PHLPP1: variants seen among roughly 807,000 people sequenced by gnomAD.
PHLPP1 encodes PH domain and leucine rich repeat protein phosphatase 1, also known as PH domain leucine-rich repeat-containing protein phosphatase 1.
Under a neutral mutation model 117.2 loss-of-function variants are expected in PHLPP1, and 42 were observed. The ratio of observed to expected loss-of-function variants is 0.36; its 90% CI spans 0.28 to 0.46. The LOEUF (loss-of-function observed/expected upper bound fraction) is 0.46, where lower values mean the gene tolerates loss of function less well. PHLPP1 is among the 20% of genes least tolerant of loss of function. PHLPP1 has a pLI of 1.00. For synonymous variants in PHLPP1, 1,042 were observed against 970.7 expected, an observed-to-expected ratio of 1.07 and a Z score of -1.37; for missense variants, 2,084 against 2,241.9, an observed-to-expected ratio of 0.93 and a Z score of 1.42.
At chr18:62,765,861 G>A (rs1253385064) in intron 1 of PHLPP1, among the ~76,000 whole-genome samples, 2 of 150,682 alleles carry the variant, frequency 1.3e-5, no homozygotes, top group Non-Finnish European at 3.0e-5. Context: ...AGCTGGGTGT[G>A]GTGGCAGGTG....
chr18:62,745,013 AGGAG>A (rs1911635754), intron 1 of PHLPP1, among the ~76,000 whole-genome samples: 1 of 152,252 alleles, frequency 6.6e-6, no homozygotes, highest in Non-Finnish European at 1.5e-5. Flanking sequence ...AAGATAGTTT[AGGAG>A]GTATAGCTGG....
intron 9 of PHLPP1, among the ~76,000 whole-genome samples, chr18:62,918,016 C>T (rs1395715079): frequency 6.6e-6 from 1 of 151,718 alleles, no homozygotes; most frequent in African/African-American, 2.4e-5. Flanking sequence ...ACCAGCCTGA[C>T]CAACATGGTG....
At chr18:62,863,402 C>A (rs1322825482) in intron 4 of PHLPP1, among the ~76,000 whole-genome samples, 1 of 152,104 alleles carries the variant, frequency 6.6e-6, no homozygotes, top group Non-Finnish European at 1.5e-5. Flanking sequence ...TGGGGTTTCA[C>A]CATGTTGCCA....
At chr18:62,951,595 TG>T (rs1910459260) in intron 12 of PHLPP1, among the ~76,000 whole-genome samples, 1 of 152,158 alleles carries the variant, frequency 6.6e-6, no homozygotes, top group Non-Finnish European at 1.5e-5. Flanking sequence ...GGGAGATGCC[TG>T]GAATCACTTG....
At chr18:62,722,312 GTTA>G (rs987145288) in intron 1 of PHLPP1, among the ~76,000 whole-genome samples, 7 of 152,162 alleles carry the variant, frequency 4.6e-5, no homozygotes, top group African/African-American at 1.7e-4. Context: ...TAATGATTTT[GTTA>G]TGTGCCAGGG....
intron 3 of PHLPP1, among the ~76,000 whole-genome samples, chr18:62,850,172 A>G (rs1465456822): frequency 1.3e-5 from 2 of 151,118 alleles, no homozygotes; most frequent in South Asian, 2.1e-4. Context: ...GGTGGATCAC[A>G]AGGTCAGGAG....
intron 1 of PHLPP1, among the ~76,000 whole-genome samples, chr18:62,768,801 T>G (rs1416985371): frequency 6.6e-6 from 1 of 152,138 alleles, no homozygotes; most frequent in South Asian, 2.1e-4. Context: ...AAAAAAAGAC[T>G]AGAGAGAGCA....
intron 4 of PHLPP1, among the ~76,000 whole-genome samples, chr18:62,883,375 T>C (rs572955473): frequency 6.6e-6 from 1 of 152,278 alleles, no homozygotes; most frequent in East Asian, 1.9e-4. Context: ...GGCAGGTGAA[T>C]AGTCCATTAG....
chr18:62,858,514 T>G lies in PHLPP1; in HGVS notation c.1900-1921T>G, dbSNP rs566853756. ...CTGACCTCAAATGATCCACCTGCCT[T>G]GGCCTCCCAAAGTGCTGGGATTACA... On this transcript the variant is annotated intron_variant, in intron 3 of 16. Transcript: ENST00000262719. 7.9e-4 allele frequency among the ~76,000 whole-genome samples: 121 copies of G among 152,294 alleles called. 1 individual carries two copies. The highest frequency in any genetic ancestry group is 2.7e-3 in the African/African-American group (112 of 41,566).
In PHLPP1 at chr18:62,895,174, C is replaced by G; in HGVS notation, c.2213+17C>G. The G allele has an allele frequency of 1.2e-6, 2 of 1,609,272 alleles. No individual in the cohort carries two copies. The highest frequency in any genetic ancestry group is 1.1e-5 in the South Asian group (1 of 90,814). The stretch of plus-strand genomic sequence containing the variant: ...GATGCACAAGTGTGTACTTCAAACC[C>G]CACTGGCGGGTATATCCAGAAGCCC... On this transcript the variant is annotated intron_variant, in intron 5 of 16. Transcript: ENST00000262719.
chr18:62,766,076 AATATATATATATATATATATATATAT>A lies in PHLPP1; in HGVS notation c.1576+48819_1576+48844del, dbSNP rs60058262. ...ACTCCATCTCAAAAAAAAAAAAAAA[AATATATATATATATATATATATATAT>A]AAAATATATATATATTTGTACAGAA... is the stretch of plus-strand genomic sequence containing the variant. On this transcript the variant is annotated intron_variant, in intron 1 of 16. Transcript: ENST00000262719. Among the ~76,000 whole-genome samples, 11 of 21,662 alleles carry A rather than the reference AATATATATATATATATATATATATAT, an allele frequency of 5.1e-4. 1 individual carries two copies. The South Asian group carries it at 0.014, about 27-fold the overall frequency. The allele number at this position is 21,662 out of a possible 152,430, so 14.2% of individuals were successfully genotyped here. A position where few individuals can be genotyped will look rare whatever the true frequency, so the allele number is the denominator to read the frequency against.
At chr18:62,835,546 T>A (rs146557828) in intron 2 of PHLPP1, among the ~76,000 whole-genome samples, 51 of 152,200 alleles carry the variant, frequency 3.4e-4, no homozygotes, top group African/African-American at 1.2e-3. Flanking sequence ...CATTGAAGTT[T>A]GCTTTAGATG....
At chr18:62,944,854 A>G (rs1056279523) in intron 11 of PHLPP1, among the ~76,000 whole-genome samples, 13 of 152,212 alleles carry the variant, frequency 8.5e-5, no homozygotes, top group African/African-American at 2.9e-4. Flanking sequence ...CTTAATTTCC[A>G]CATAGACTTT....
intron 1 of PHLPP1, among the ~76,000 whole-genome samples, chr18:62,747,181 T>C (rs1307521271): frequency 2.0e-5 from 3 of 152,114 alleles, no homozygotes; most frequent in African/African-American, 7.2e-5. Context: ...TGCTCTTATT[T>C]TTAATTCCAT....
intron 10 of PHLPP1, among the ~76,000 whole-genome samples, chr18:62,927,309 T>A (rs189099181): frequency 6.6e-6 from 1 of 152,228 alleles, no homozygotes. Flanking sequence ...GGGAAAAAGA[T>A]GAACAGATCC....
chr18:62,861,764 T>G (rs1324787143), intron 4 of PHLPP1, among the ~76,000 whole-genome samples: 1 of 152,244 alleles, frequency 6.6e-6, no homozygotes, highest in East Asian at 1.9e-4. Flanking sequence ...GAAGAGTATT[T>G]TAATTGTCTT....
chr18:62,743,414 G>A (rs1385444915), intron 1 of PHLPP1, among the ~76,000 whole-genome samples: 1 of 151,682 alleles, frequency 6.6e-6, no homozygotes, highest in Non-Finnish European at 1.5e-5. Flanking sequence ...CCAACTCATG[G>A]CCAGTCTTAC....
chr18:62,960,547 TATATG>T (rs1160616338), intron 13 of PHLPP1, among the ~76,000 whole-genome samples: 5 of 152,188 alleles, frequency 3.3e-5, no homozygotes, highest in Non-Finnish European at 5.9e-5. Flanking sequence ...AAAATGTTCT[TATATG>T]ATAAGAAAAG....
intron 1 of PHLPP1, among the ~76,000 whole-genome samples, chr18:62,742,888 C>G (rs2122076016): frequency 6.6e-6 from 1 of 152,270 alleles, no homozygotes; most frequent in South Asian, 2.1e-4. Flanking sequence ...TAACTCACCC[C>G]CAATGATAAT....
Sources: allele counts gnomAD v4.1 joint callset (sites outside exome capture counted in the v4.1 genomes callset), GRCh38; gene constraint gnomAD v4.1.1; transcripts MANE v1.5; gene names NCBI Gene and HGNC (gene_info 2026-07-23, HGNC 2026-07-21).